Variants in CELF4 observed in about 807,000 individuals in gnomAD.
CELF4 encodes the protein CUGBP Elav-like family member 4, also known as CUG-BP- and ETR-3-like factor 4.
In CELF4, 18 loss-of-function variants were observed where a neutral mutation model predicts 59.9. That is an observed-to-expected ratio of 0.30 (90% CI 0.21 to 0.45). The LOEUF is 0.45. Among genes scored for constraint, CELF4 ranks in the 20% least tolerant of loss-of-function variants. The pLI is 1.00. For missense variants in CELF4, 456 were observed against 689.0 expected (o/e 0.66, Z 3.79); for synonymous variants, 261 against 267.1 (o/e 0.98, Z 0.22).
At chr18:37,540,190 G>A (rs1329137047) in intron 1 of CELF4, among the ~76,000 whole-genome samples, 3 of 152,160 alleles carry the variant, frequency 2.0e-5, no homozygotes, top group Non-Finnish European at 4.4e-5. Context: ...GGACCCAAGT[G>A]CCTGTCTCAC....
chr18:37,390,573 G>A (rs563601382), intron 2 of CELF4, among the ~76,000 whole-genome samples: 1 of 152,232 alleles, frequency 6.6e-6, no homozygotes, highest in Non-Finnish European at 1.5e-5. Flanking sequence ...CATGTGCTAG[G>A]GTGGAGGGGG....
At chr18:37,373,831 G>A (rs1475517809) in intron 2 of CELF4, among the ~76,000 whole-genome samples, 8 of 152,316 alleles carry the variant, frequency 5.3e-5, no homozygotes. Context: ...AGGCACGTGA[G>A]AGGCCCAGGT....
chr18:37,452,543 T>G (rs2099767028), intron 2 of CELF4, among the ~76,000 whole-genome samples: 1 of 152,014 alleles, frequency 6.6e-6, no homozygotes, highest in Admixed American at 6.5e-5. Context: ...TGTCACCTCA[T>G]GCATTGTTTT....
intron 1 of CELF4, among the ~76,000 whole-genome samples, chr18:37,546,559 T>C (rs926214732): frequency 2.6e-5 from 4 of 152,122 alleles, no homozygotes; most frequent in Non-Finnish European, 5.9e-5. Context: ...CTCTGCCAGA[T>C]AGCAAGTCCC....
rs1603637715 is a variant in CELF4, at chr18:37,414,230, CTAT to C, written c.369+71292_369+71294del. 9.2e-5 allele frequency among the ~76,000 whole-genome samples: 14 copies of C among 151,624 alleles called. No homozygotes were observed. In the East Asian group the frequency reaches 1.9e-3, roughly 21 times the overall value. On this transcript the variant is annotated intron_variant, in intron 2 of 12. Transcript: ENST00000420428. ...TCTATCTATCTATCTATCTATCTAT[CTAT>C]CTATCTATCTATCCATCCATTCATA... is the stretch of plus-strand genomic sequence containing the variant.
chr18:37,291,151 C>T lies in CELF4; in HGVS notation c.449-15908G>A, dbSNP rs181320242. The stretch of plus-strand genomic sequence containing the variant: ...TTCGAACTCCTGACCTCAGGTGATC[C>T]GCCTGCCTCGGCCTCCCAAAGTGCT... On this transcript the variant is annotated intron_variant, in intron 3 of 12. Transcript: ENST00000420428. Among the ~76,000 whole-genome samples the T allele has an allele frequency of 1.9e-3, 288 of 152,246 alleles. 1 individual carries two copies. The highest frequency in any genetic ancestry group is 2.2e-3 in the Non-Finnish European group (150 of 68,006).
intron 3 of CELF4, among the ~76,000 whole-genome samples, chr18:37,315,878 G>A (rs2154506005): frequency 6.6e-6 from 1 of 152,300 alleles, no homozygotes; most frequent in African/African-American, 2.4e-5. Context: ...GTTCAGCCCA[G>A]GAGCTTTCCA....
intron 2 of CELF4, among the ~76,000 whole-genome samples, chr18:37,334,637 TC>T (rs1204088742): frequency 2.0e-5 from 3 of 151,062 alleles, no homozygotes; most frequent in African/African-American, 4.9e-5. Context: ...TTCCCTCCAC[TC>T]CCCCCGGACT....
chr18:37,488,427 A>G (rs1372610419), intron 1 of CELF4, among the ~76,000 whole-genome samples: 1 of 152,192 alleles, frequency 6.6e-6, no homozygotes, highest in African/African-American at 2.4e-5. Flanking sequence ...ACTGAATGCC[A>G]GAACACCTCA....
intron 1 of CELF4, among the ~76,000 whole-genome samples, chr18:37,508,930 T>C (rs1786774): frequency 0.86 from 130,479 of 152,200 alleles, 56,961 homozygotes; most frequent in East Asian, 0.97. Context: ...CTGTCACTAG[T>C]GTCACCTCTC....
At chr18:37,541,668 A>T (rs2099977918) in intron 1 of CELF4, among the ~76,000 whole-genome samples, 1 of 151,298 alleles carries the variant, frequency 6.6e-6, no homozygotes, top group African/African-American at 2.4e-5. Context: ...AATTCTCCCC[A>T]TTACCCCAGG....
At chr18:37,352,323 A>G (rs2098458700) in intron 2 of CELF4, among the ~76,000 whole-genome samples, 1 of 152,168 alleles carries the variant, frequency 6.6e-6, no homozygotes, top group Admixed American at 6.5e-5. Flanking sequence ...TTTGTCCTCA[A>G]TGTTACCTCC....
intron 1 of CELF4, among the ~76,000 whole-genome samples, chr18:37,504,627 G>C (rs186905063): frequency 6.6e-6 from 1 of 152,238 alleles, no homozygotes; most frequent in East Asian, 1.9e-4. Context: ...ACACATGCCT[G>C]GTGTACAGGC....
intron 11 of CELF4, among the ~76,000 whole-genome samples, chr18:37,257,707 C>G (rs753723715): frequency 1.6e-4 from 24 of 152,174 alleles, no homozygotes; most frequent in Non-Finnish European, 2.6e-4. Flanking sequence ...CCTTGCAACT[C>G]AACCTCCTAC....
Position 37,321,795 on chromosome 18 carries a change from G to A in CELF4, c.448+8C>T, listed in dbSNP as rs760392325. ...GAGGGGGAGGGGCAGAGACAAGTGG[G>A]CCCTCACGTGAAGGGGGCTGGCGCA... On this transcript the variant is annotated splice_region_variant and intron_variant, in intron 3 of 12. Coordinates refer to ENST00000420428, the MANE Select transcript of CELF4 (RefSeq NM_020180.4). 1.2e-6 allele frequency: 2 copies of A among 1,601,758 alleles called. No homozygotes were observed. Among genetic ancestry groups the A allele is most frequent in the South Asian group, 2.2e-5 (2 of 90,116 alleles).
In CELF4 at chr18:37,434,950, A is replaced by G. The variant is rs115856808; in HGVS notation, c.369+50575T>C. On this transcript the variant is annotated intron_variant, in intron 2 of 12. Transcript: ENST00000420428. ...TTCCCTATTGCAGGGGGAAATTCAG[A>G]TCTTTTGACTACCCCCTCCAAAACT... is the stretch of plus-strand genomic sequence containing the variant. 2.4e-3 allele frequency among the ~76,000 whole-genome samples: 365 copies of G among 152,080 alleles called. 3 individuals carry two copies. The highest frequency in any genetic ancestry group is 8.5e-3 in the African/African-American group (354 of 41,490).
At chr18:37,395,880 C>T (rs973704152) in intron 2 of CELF4, among the ~76,000 whole-genome samples, 9 of 152,328 alleles carry the variant, frequency 5.9e-5, no homozygotes, top group African/African-American at 2.2e-4. Context: ...GGATCCAAGG[C>T]CCTCCCAGCC....
At chr18:37,320,368 C>T (rs1187207398) in intron 3 of CELF4, among the ~76,000 whole-genome samples, 2 of 151,132 alleles carry the variant, frequency 1.3e-5, no homozygotes, top group Admixed American at 1.3e-4. Flanking sequence ...GCCCCAACTC[C>T]TTACGCTCCC....
At chr18:37,305,288 G>T (rs1377261634) in intron 3 of CELF4, 3 of 152,110 alleles carry the variant, frequency 2.0e-5, no homozygotes, top group African/African-American at 7.2e-5. Context: ...ATTCGCGGGG[G>T]CTTGGGGCGC....
Sources: allele counts gnomAD v4.1 joint callset (sites outside exome capture counted in the v4.1 genomes callset), GRCh38; gene constraint gnomAD v4.1.1; transcripts MANE v1.5; gene names NCBI Gene and HGNC (gene_info 2026-07-23, HGNC 2026-07-21).